The following EPHA5 variants were observed in gnomAD, a reference collection of about 807,000 sequenced individuals.
EPHA5 encodes EPH receptor A5.
In EPHA5, 60 loss-of-function variants were observed where a neutral mutation model predicts 105.0. That is an observed-to-expected ratio of 0.57 (90% CI 0.46 to 0.71). The LOEUF (loss-of-function observed/expected upper bound fraction) is 0.71, where lower values mean the gene tolerates loss of function less well. EPHA5 is among the 30% of genes least tolerant of loss of function. The pLI, the probability that EPHA5 is intolerant of heterozygous loss-of-function variation, is 0.00. For synonymous variants in EPHA5, 513 were observed against 449.1 expected (o/e 1.14, Z -1.80); for missense variants, 1,218 against 1,274.7 (o/e 0.96, Z 0.68).
chr4:65,578,727 C>A (rs1247234916), intron 3 of EPHA5, among the ~76,000 whole-genome samples: 1 of 151,880 alleles, frequency 6.6e-6, no homozygotes, highest in Non-Finnish European at 1.5e-5. Context: ...TGAGGTTTCC[C>A]AACAAATACG....
rs1719824848 is a variant in EPHA5 at position 65,323,810 on chromosome 4, A to T, written c.*304T>A. 1 of 253,278 alleles carries T rather than the reference A, an allele frequency of 3.9e-6. No individual in the cohort carries two copies. The highest frequency in any genetic ancestry group is 1.2e-4 in the South Asian group (1 of 8,182). The allele number at this position is 253,278 out of a possible 1,614,324, so 15.7% of individuals were successfully genotyped here. On this transcript the variant is annotated 3_prime_UTR_variant, in exon 17 of 17. Transcript: ENST00000613740. ...GTCTATAAAAGTGCTATATAATTAT[A>T]TATTTCATGTACAAAATTTTGTAGA...
intron 14 of EPHA5, among the ~76,000 whole-genome samples, chr4:65,338,442 C>G (rs1422045872): frequency 2.6e-5 from 4 of 151,786 alleles, no homozygotes; most frequent in Admixed American, 6.6e-5. Context: ...AAGCTGCTAC[C>G]AATTAATTCG....
intron 1 of EPHA5, among the ~76,000 whole-genome samples, chr4:65,648,465 T>C (rs554354348): frequency 3.9e-5 from 6 of 152,288 alleles, no homozygotes; most frequent in South Asian, 2.1e-4. Context: ...GGCAAAGGCT[T>C]AAGAGAATGT....
At chr4:65,574,697 T>TACACATATATATACACATATATATATAC (rs1212574706) in intron 3 of EPHA5, among the ~76,000 whole-genome samples, 1 of 64,856 alleles carries the variant, frequency 1.5e-5, no homozygotes, top group African/African-American at 5.0e-5. Context: ...TACATATATA[T>TACACATATATATACACATATATATATAC]ACATATATAT....
At chr4:65,480,817 T>A (rs1018964232) in intron 5 of EPHA5, among the ~76,000 whole-genome samples, 4 of 152,080 alleles carry the variant, frequency 2.6e-5, no homozygotes, top group African/African-American at 9.7e-5. Flanking sequence ...AATGCTCTTT[T>A]CTATTTCAAC....
chr4:65,569,248 A>T (rs1232810844), intron 3 of EPHA5, among the ~76,000 whole-genome samples: 1 of 151,546 alleles, frequency 6.6e-6, no homozygotes, highest in African/African-American at 2.4e-5. Context: ...AAATCCAGTA[A>T]ATAATGTTAA....
intron 3 of EPHA5, among the ~76,000 whole-genome samples, chr4:65,516,229 A>G (rs1353944831): frequency 1.3e-5 from 2 of 152,204 alleles, no homozygotes; most frequent in Non-Finnish European, 1.5e-5. Context: ...CCTTACCAAT[A>G]ACATAAATAG....
chr4:65,449,722 G>A (rs189431383), intron 5 of EPHA5, among the ~76,000 whole-genome samples: 1 of 152,166 alleles, frequency 6.6e-6, no homozygotes, highest in Admixed American at 6.5e-5. Flanking sequence ...GAGATCATTA[G>A]GGTGAGCCCT....
intron 3 of EPHA5, among the ~76,000 whole-genome samples, chr4:65,550,226 G>T (rs945860961): frequency 4.0e-5 from 6 of 151,844 alleles, no homozygotes; most frequent in African/African-American, 1.5e-4. Flanking sequence ...TTACATTTAG[G>T]TGTAAGCTAC....
chr4:65,370,963 G>A (rs1212448565), intron 8 of EPHA5, among the ~76,000 whole-genome samples: 1 of 152,030 alleles, frequency 6.6e-6, no homozygotes, highest in African/African-American at 2.4e-5. Context: ...ATTTCAGGAA[G>A]CCTGTTCATT....
chr4:65,668,171 G>A (rs1014129961), intron 1 of EPHA5, among the ~76,000 whole-genome samples: 2 of 152,110 alleles, frequency 1.3e-5, no homozygotes, highest in African/African-American at 4.8e-5. Context: ...TGGGATGAGG[G>A]CAGGGGAGCC....
intron 1 of EPHA5, among the ~76,000 whole-genome samples, chr4:65,660,805 G>A (rs535197700): frequency 7.2e-6 from 1 of 138,254 alleles, no homozygotes; most frequent in Admixed American, 7.0e-5. Flanking sequence ...AAGGACATGG[G>A]CCACTTGAGG....
At chr4:65,336,718 T>C (rs1721220539) in intron 14 of EPHA5, among the ~76,000 whole-genome samples, 1 of 152,098 alleles carries the variant, frequency 6.6e-6, no homozygotes, top group Non-Finnish European at 1.5e-5. Flanking sequence ...GACTGTCTAG[T>C]AGCACAAGAA....
At chr4:65,457,770 TAATGC>T (rs1482006361) in intron 5 of EPHA5, among the ~76,000 whole-genome samples, 1 of 152,134 alleles carries the variant, frequency 6.6e-6, no homozygotes, top group African/African-American at 2.4e-5. Flanking sequence ...ATATTATGGC[TAATGC>T]TGTTTCTGTT....
At chr4:65,365,326 CAAACAAAA>C in intron 10 of EPHA5, 124 bp from the exon 11 acceptor site, 1 of 811,012 alleles carries the variant, frequency 1.2e-6, no homozygotes, top group Non-Finnish European at 1.9e-6. Flanking sequence ...AACAAACAAA[CAAACAAAA>C]AGCAGTCAGA....
chr4:65,507,492 C>A (rs1429217963), intron 3 of EPHA5, among the ~76,000 whole-genome samples: 1 of 152,052 alleles, frequency 6.6e-6, no homozygotes, highest in South Asian at 2.1e-4. Context: ...ATGCTTCCTA[C>A]CCATGAGCAT....
intron 3 of EPHA5, among the ~76,000 whole-genome samples, chr4:65,551,780 T>C (rs1737947840): frequency 6.6e-6 from 1 of 152,188 alleles, no homozygotes; most frequent in Admixed American, 6.5e-5. Flanking sequence ...TTATAACACA[T>C]AAAGTTTATT....
intron 2 of EPHA5, among the ~76,000 whole-genome samples, chr4:65,607,491 CA>C (rs71933682): frequency 1.6e-4 from 24 of 151,710 alleles, no homozygotes; most frequent in East Asian, 5.9e-4. Context: ...AACAAACAAA[CA>C]AAAAAAAAAA....
chr4:65,363,449 G>A (rs113719073), intron 11 of EPHA5, among the ~76,000 whole-genome samples: 7 of 151,536 alleles, frequency 4.6e-5, no homozygotes, highest in African/African-American at 9.7e-5. Context: ...ATTATGTAAC[G>A]TGGTCTTCCA....
Sources: gnomAD v4.1 joint callset for allele counts (sites outside exome capture counted in the v4.1 genomes callset) on GRCh38, gnomAD v4.1.1 for gene constraint, MANE v1.5 for transcripts, NCBI Gene and HGNC (gene_info 2026-07-23, HGNC 2026-07-21) for gene names.